Variants in OSBP2 observed in about 807,000 individuals in gnomAD.
The protein encoded by OSBP2 is oxysterol-binding protein 2.
A neutral mutation model predicts 96.0 loss-of-function variants in OSBP2; 66 were observed. The observed-to-expected ratio is 0.69, with a 90% confidence interval of 0.56 to 0.84. The LOEUF (loss-of-function observed/expected upper bound fraction) is 0.84, where lower values mean the gene tolerates loss of function less well. Among genes scored for constraint, OSBP2 ranks in the 40% least tolerant of loss-of-function variants. OSBP2 has a pLI of 0.00. For missense variants in OSBP2, 1,038 were observed against 1,222.7 expected, an observed-to-expected ratio of 0.85 and a Z score of 2.25; for synonymous variants, 525 against 520.9, an observed-to-expected ratio of 1.01 and a Z score of -0.11.
At chr22:30,896,859 T>TCTGATTTCAAA (rs1234882573) in intron 12 of OSBP2, among the ~76,000 whole-genome samples, 2 of 152,032 alleles carry the variant, frequency 1.3e-5, no homozygotes, top group Admixed American at 1.3e-4. Flanking sequence ...TGTTGCTCTG[T>TCTGATTTCAAA]CTGATTTCAA....
intron 2 of OSBP2, among the ~76,000 whole-genome samples, chr22:30,868,744 C>A (rs2039398790): frequency 6.6e-6 from 1 of 152,178 alleles, no homozygotes; most frequent in Non-Finnish European, 1.5e-5. Context: ...GCCGTGGGCA[C>A]CCTCCTCAGC....
intron 3 of OSBP2, among the ~76,000 whole-genome samples, chr22:30,884,139 C>G (rs1451572780): frequency 2.0e-5 from 3 of 152,192 alleles, no homozygotes; most frequent in African/African-American, 7.2e-5. Context: ...CTCAAAATAG[C>G]CCAGACCTTC....
At chr22:30,737,315 C>CTTTT in intron 1 of OSBP2, among the ~76,000 whole-genome samples, 1 of 110,410 alleles carries the variant, frequency 9.1e-6, no homozygotes, top group Non-Finnish European at 1.8e-5. Context: ...TGCGCCCGGC[C>CTTTT]TTTTTTTTTT....
rs146353581 is a variant in OSBP2 at position 30,712,363 on chromosome 22, C to T, written c.644+16810C>T. On this transcript the variant is annotated intron_variant, in intron 1 of 13. Transcript: ENST00000332585. ...GAACTGAAATGTGCTCAAGCCTTCC[C>T]ACCTCCTTCATTTGCCCTGGGAGGA... Among the ~76,000 whole-genome samples, 735 of 152,260 alleles carry T rather than the reference C, an allele frequency of 4.8e-3. 5 individuals carry two copies. Among genetic ancestry groups the T allele is most frequent in the African/African-American group, 0.015 (642 of 41,562 alleles).
intron 1 of OSBP2, among the ~76,000 whole-genome samples, chr22:30,723,064 C>T (rs1161782011): frequency 2.6e-5 from 4 of 152,126 alleles, no homozygotes; most frequent in Non-Finnish European, 5.9e-5. Context: ...GCTGGGATTA[C>T]AGGCATGAGC....
chr22:30,738,637 T>C (rs960024828), intron 1 of OSBP2, among the ~76,000 whole-genome samples: 2 of 152,090 alleles, frequency 1.3e-5, no homozygotes, highest in Non-Finnish European at 2.9e-5. Context: ...CTTGTCTCAT[T>C]GCAACCTCCG....
chr22:30,825,352 G>A (rs984870013), intron 2 of OSBP2, among the ~76,000 whole-genome samples: 1 of 152,120 alleles, frequency 6.6e-6, no homozygotes, highest in Non-Finnish European at 1.5e-5. Context: ...GCCCAGCATG[G>A]TGGCGTATGC....
At position 30,887,542 on chromosome 22, in the gene OSBP2, G is replaced by A; in HGVS notation, c.1224G>A (p.Lys408=). The change falls in exon 4 of 14, where the codon AAG becomes AAA. Residue 408 remains lysine (K), a synonymous_variant. Transcript: ENST00000332585. ...HLEETIEQLA[K]QHNSLERAFH... is the part of the protein sequence containing the mutation. ...AGGAAACCATTGAGCAGCTGGCGAA[G>A]CAGCACAACAGCCTCGAGCGGGCCT... 1.2e-6 allele frequency: 2 copies of A among 1,613,584 alleles called. No homozygotes were observed. Among genetic ancestry groups the A allele is most frequent in the South Asian group, 1.1e-5 (1 of 91,084 alleles).
At chr22:30,866,015 G>A (rs1460440870) in intron 2 of OSBP2, among the ~76,000 whole-genome samples, 2 of 152,164 alleles carry the variant, frequency 1.3e-5, no homozygotes, top group South Asian at 2.1e-4. Context: ...GACGAGTCCC[G>A]GGCAGTAAAT....
chr22:30,718,100 C>T (rs1002914579), intron 1 of OSBP2, among the ~76,000 whole-genome samples: 4 of 152,044 alleles, frequency 2.6e-5, no homozygotes, highest in Non-Finnish European at 4.4e-5. Flanking sequence ...GGAGGGTAAT[C>T]GAGAGTCACA....
intron 4 of OSBP2, 89 bp downstream of exon 4, chr22:30,887,707 C>A: frequency 3.5e-6 from 4 of 1,155,598 alleles, no homozygotes; most frequent in Non-Finnish European, 4.9e-6. Context: ...ATGCACATCC[C>A]TGGCTGTGCC....
chr22:30,696,531 A>C (rs1018647139), intron 1 of OSBP2, among the ~76,000 whole-genome samples: 1 of 152,178 alleles, frequency 6.6e-6, no homozygotes, highest in African/African-American at 2.4e-5. Context: ...ACACTCTGAG[A>C]AGCACTGTTT....
intron 8 of OSBP2, among the ~76,000 whole-genome samples, chr22:30,891,706 T>G (rs2039952074): frequency 6.6e-6 from 1 of 151,284 alleles, no homozygotes; most frequent in Non-Finnish European, 1.5e-5. Flanking sequence ...CCAGCTGGTT[T>G]GCCGACGCTT....
intron 2 of OSBP2, among the ~76,000 whole-genome samples, chr22:30,853,834 T>G (rs1213307513): frequency 6.6e-6 from 1 of 151,854 alleles, no homozygotes; most frequent in Middle Eastern, 3.4e-3. Flanking sequence ...AATGGTGCCA[T>G]CTCAGCTCTG....
chr22:30,905,177 G>A (rs1009473433), intron 12 of OSBP2, among the ~76,000 whole-genome samples: 1 of 112,554 alleles, frequency 8.9e-6, no homozygotes, highest in African/African-American at 3.4e-5. Flanking sequence ...ACGGAGCCTC[G>A]AACTGTCGCC....
intron 2 of OSBP2, among the ~76,000 whole-genome samples, chr22:30,743,041 T>A (rs546736154): frequency 2.0e-5 from 3 of 152,208 alleles, no homozygotes; most frequent in Non-Finnish European, 4.4e-5. Flanking sequence ...TGTCTACACA[T>A]GCAACAGTGA....
At chr22:30,755,981 C>T (rs2090136235) in intron 2 of OSBP2, among the ~76,000 whole-genome samples, 1 of 152,160 alleles carries the variant, frequency 6.6e-6, no homozygotes, top group South Asian at 2.1e-4. Context: ...TGTGCCTTAA[C>T]GTGGAGCACC....
At chr22:30,790,461 T>G (rs1008027757) in intron 2 of OSBP2, among the ~76,000 whole-genome samples, 1 of 151,982 alleles carries the variant, frequency 6.6e-6, no homozygotes, top group Non-Finnish European at 1.5e-5. Flanking sequence ...TCCTCATTAG[T>G]CTTGGGAATT....
chr22:30,817,907 G>GT (rs1188401641), intron 2 of OSBP2, among the ~76,000 whole-genome samples: 1 of 151,998 alleles, frequency 6.6e-6, no homozygotes, highest in African/African-American at 2.4e-5. Context: ...ATCCTACTGG[G>GT]TTTTTTGTTT....
Sources: allele counts gnomAD v4.1 joint callset (sites outside exome capture counted in the v4.1 genomes callset), GRCh38; gene constraint gnomAD v4.1.1; transcripts MANE v1.5; gene names NCBI Gene and HGNC (gene_info 2026-07-23, HGNC 2026-07-21).